Variants in SOHLH2 observed in about 807,000 individuals in gnomAD.
The protein encoded by SOHLH2 is spermatogenesis and oogenesis specific basic helix-loop-helix 2, also known as spermatogenesis- and oogenesis-specific basic helix-loop-helix-containing protein 2.
SOHLH2 carries 22 observed loss-of-function variants against 50.4 expected under a neutral mutation model. The observed-to-expected ratio is 0.44, with a 90% CI of 0.31 to 0.62. The LOEUF is 0.62. Ranked by LOEUF, SOHLH2 falls within the 20% of genes least tolerant of loss-of-function variation. The probability of loss-of-function intolerance (pLI) is 0.08; values close to 1 mark genes in which losing one functional copy is unlikely to be tolerated. For missense variants in SOHLH2, 412 were observed against 504.4 expected, an observed-to-expected ratio of 0.82 and a Z score of 1.76; for synonymous variants, 185 against 187.3, an observed-to-expected ratio of 0.99 and a Z score of 0.10.
At chr13:36,212,167 G>A (rs1280620254) in intron 1 of SOHLH2, among the ~76,000 whole-genome samples, 1 of 152,182 alleles carries the variant, frequency 6.6e-6, no homozygotes, top group East Asian at 1.9e-4. Flanking sequence ...GGAAAGGGAT[G>A]AGGAGAAACA....
At chr13:36,192,431 C>T (rs942204311) in intron 4 of SOHLH2, among the ~76,000 whole-genome samples, 2 of 152,124 alleles carry the variant, frequency 1.3e-5, no homozygotes, top group South Asian at 4.1e-4. Context: ...CAAAAGCCCT[C>T]GGTCACCAAA....
intron 9 of SOHLH2, among the ~76,000 whole-genome samples, chr13:36,172,483 G>T (rs1418130944): frequency 2.0e-5 from 3 of 152,150 alleles, no homozygotes; most frequent in African/African-American, 7.2e-5. Context: ...CTATCTGGGG[G>T]TCCCTGCTCT....
intron 2 of SOHLH2, among the ~76,000 whole-genome samples, chr13:36,194,070 G>GAA (rs1029887240): frequency 7.1e-6 from 1 of 141,216 alleles, no homozygotes; most frequent in African/African-American, 2.6e-5. Context: ...TCTTAAAAAT[G>GAA]AAAAAAAAAA....
intron 2 of SOHLH2, among the ~76,000 whole-genome samples, chr13:36,196,290 A>AT (rs1202167008): frequency 6.6e-6 from 1 of 151,858 alleles, no homozygotes; most frequent in Non-Finnish European, 1.5e-5. Flanking sequence ...ACACTTGGCT[A>AT]TTTTTTTGTA....
chr13:36,204,667 C>T (rs1868646378), intron 1 of SOHLH2, among the ~76,000 whole-genome samples: 1 of 152,064 alleles, frequency 6.6e-6, no homozygotes, highest in African/African-American at 2.4e-5. Context: ...CTGGTTAATA[C>T]CACACTGCTT....
chr13:36,168,718 C>T lies in SOHLH2; in HGVS notation c.*316G>A, dbSNP rs1886884733. ...CTACATGGATCTTCCTTATAGCATGCTTTTTTCATAAATTGTGGAATATTT... is the reference window on the plus strand; with the variant it reads ...CTACATGGATCTTCCTTATAGCATGTTTTTTTCATAAATTGTGGAATATTT... On this transcript the variant is annotated 3_prime_UTR_variant, in exon 11 of 11. Coordinates refer to ENST00000379881, the MANE Select transcript of SOHLH2 (RefSeq NM_017826.3). 5.2e-6 allele frequency: 2 copies of T among 384,838 alleles called. No individual in the cohort carries two copies. 23.8% of individuals were successfully genotyped at this position (384,838 alleles called of 1,614,324 possible).
At chr13:36,213,184 G>A (rs554079089) in intron 1 of SOHLH2, among the ~76,000 whole-genome samples, 1 of 152,172 alleles carries the variant, frequency 6.6e-6, no homozygotes, top group Non-Finnish European at 1.5e-5. Context: ...GTCAGTTGGG[G>A]CTTCACACTC....
At chr13:36,181,388 G>C (rs549832864) in intron 6 of SOHLH2, among the ~76,000 whole-genome samples, 2 of 151,806 alleles carry the variant, frequency 1.3e-5, no homozygotes, top group Non-Finnish European at 2.9e-5. Flanking sequence ...AGTCTCTTTT[G>C]CTTTTTTATT....
intron 6 of SOHLH2, among the ~76,000 whole-genome samples, chr13:36,187,067 G>GA (rs1887441984): frequency 6.6e-6 from 1 of 152,144 alleles, no homozygotes; most frequent in Admixed American, 6.5e-5. Flanking sequence ...TCTCTAAAGA[G>GA]AAAGGGGGAG....
At position 36,168,996 on chromosome 13, in the gene SOHLH2, A is replaced by G; in HGVS notation, c.*38T>C. ...TTTCCTAGATTGTCAAACTGCGCCC[A>G]GTAGGTGGTTGAGAGTGTGAATTTC... On this transcript the variant is annotated 3_prime_UTR_variant, in exon 11 of 11. Coordinates refer to ENST00000379881, the MANE Select transcript of SOHLH2 (RefSeq NM_017826.3). 2 of 1,598,336 alleles carry G rather than the reference A, an allele frequency of 1.3e-6. No individual in the cohort carries two copies. Among genetic ancestry groups the G allele is most frequent in the Non-Finnish European group, 8.5e-7 (1 of 1,174,822 alleles).
At chr13:36,199,571 ATTTCT>A (rs1887836566) in intron 2 of SOHLH2, among the ~76,000 whole-genome samples, 1 of 152,214 alleles carries the variant, frequency 6.6e-6, no homozygotes, top group African/African-American at 2.4e-5. Context: ...CAAACAAATG[ATTTCT>A]TTTAAGGCAA....
chr13:36,206,025 G>A (rs1346870191), intron 1 of SOHLH2, among the ~76,000 whole-genome samples: 1 of 151,672 alleles, frequency 6.6e-6, no homozygotes, highest in Non-Finnish European at 1.5e-5. Context: ...CTGGTGTTGA[G>A]TTCATTTTGC....
intron 1 of SOHLH2, among the ~76,000 whole-genome samples, chr13:36,204,716 G>C (rs910795726): frequency 2.0e-5 from 3 of 152,086 alleles, no homozygotes; most frequent in Admixed American, 2.0e-4. Flanking sequence ...ATATTTGACA[G>C]AGCATGTTTC....
chr13:36,172,664 C>A (rs1886993901), intron 9 of SOHLH2, among the ~76,000 whole-genome samples: 1 of 152,218 alleles, frequency 6.6e-6, no homozygotes, highest in Admixed American at 6.5e-5. Context: ...ACAAGAACTG[C>A]CTTTTATTCA....
chr13:36,204,952 T>C (rs967377807), intron 1 of SOHLH2, among the ~76,000 whole-genome samples: 1 of 152,182 alleles, frequency 6.6e-6, no homozygotes, highest in African/African-American at 2.4e-5. Flanking sequence ...GACTTTCATA[T>C]CGATTTTGCA....
intron 6 of SOHLH2, chr13:36,182,408 C>A: frequency 2.4e-6 from 1 of 418,148 alleles, no homozygotes. Context: ...CTGCTTTAAT[C>A]AAAAGATATC....
Position 36,175,007 on chromosome 13 carries a change from G to T in SOHLH2, c.642-138C>A. The T allele has an allele frequency of 3.1e-6, 4 of 1,289,144 alleles. No homozygotes were observed. The African/African-American group carries it at 6.1e-5, about 20-fold the overall frequency. The allele number at this position is 1,289,144 out of a possible 1,614,324, so 79.9% of individuals were successfully genotyped here. A position where few individuals can be genotyped will look rare whatever the true frequency, so the allele number is the denominator to read the frequency against. On this transcript the variant is annotated intron_variant, in intron 6 of 10. Transcript: ENST00000379881. ...TATATAGTCTCCATTTCAGAGAAAG[G>T]CTGTGTCCCCACAAGCCAGCAGCCC...
At chr13:36,184,957 T>G (rs1446658040) in intron 6 of SOHLH2, among the ~76,000 whole-genome samples, 1 of 152,132 alleles carries the variant, frequency 6.6e-6, no homozygotes, top group African/African-American at 2.4e-5. Flanking sequence ...GTGTGCAATA[T>G]TCCCCTCCCT....
intron 1 of SOHLH2, among the ~76,000 whole-genome samples, chr13:36,212,478 T>C (rs1869184742): frequency 6.6e-6 from 1 of 152,162 alleles, no homozygotes; most frequent in South Asian, 2.1e-4. Context: ...GACAATGTAA[T>C]ATGAACACAG....
Sources: allele counts gnomAD v4.1 joint callset (sites outside exome capture counted in the v4.1 genomes callset), GRCh38; gene constraint gnomAD v4.1.1; transcripts MANE v1.5; gene names NCBI Gene and HGNC (gene_info 2026-07-23, HGNC 2026-07-21).